Variants in CD4 observed in about 807,000 individuals in gnomAD.
CD4 encodes the protein T-cell surface glycoprotein CD4.
A neutral mutation model predicts 50.5 loss-of-function variants in CD4; 25 were observed. The ratio of observed to expected loss-of-function variants is 0.49; its 90% CI spans 0.36 to 0.69. CD4 has a LOEUF of 0.69. Ranked by LOEUF, CD4 falls within the 30% of genes least tolerant of loss-of-function variation. CD4 has a pLI of 0.00. For missense variants in CD4, 456 were observed against 548.5 expected (o/e 0.83, Z 1.68); for synonymous variants, 207 against 221.9 (o/e 0.93, Z 0.60).
At chr12:6,790,831 TC>T (rs1470730385) in intron 1 of CD4, among the ~76,000 whole-genome samples, 1 of 152,162 alleles carries the variant, frequency 6.6e-6, no homozygotes, top group Non-Finnish European at 1.5e-5. Flanking sequence ...TCTCAATAAT[TC>T]AAAGATTTCA....
At position 6,818,950 on chromosome 12, in the gene CD4, A is replaced by C; in HGVS notation, c.1346+36A>C. 2.6e-5 allele frequency: 15 copies of C among 585,800 alleles called. No individual in the cohort carries two copies. The highest frequency in any genetic ancestry group is 2.8e-4 in the Middle Eastern group (1 of 3,516). 36.3% of individuals were successfully genotyped at this position (585,800 alleles called of 1,614,324 possible). Reference sequence around the variant, plus strand: ...GGGAGGAGGGGTTGAGAGAGGGGAAAGGGGGAGGGGGAGGGAGTTAGAGAG... The same window carrying C: ...GGGAGGAGGGGTTGAGAGAGGGGAACGGGGGAGGGGGAGGGAGTTAGAGAG... On this transcript the variant is annotated intron_variant, in intron 9 of 9. Transcript: ENST00000011653. This position sits in a 1 kb window ranked among gnomAD's most constrained non-coding sequence, Gnocchi z 5.0.
At chr12:6,817,842 T>C (rs995005044) in intron 7 of CD4, among the ~76,000 whole-genome samples, 7 of 145,330 alleles carry the variant, frequency 4.8e-5, no homozygotes, top group South Asian at 2.2e-4. Context: ...CACACACTCA[T>C]ACACACACAT....
intron 1 of CD4, among the ~76,000 whole-genome samples, chr12:6,790,217 C>T (rs1245953576): frequency 1.1e-4 from 16 of 152,084 alleles, no homozygotes; most frequent in Non-Finnish European, 1.9e-4. Flanking sequence ...TTTTCCTTAA[C>T]GGGACAATCT....
chr12:6,814,662 G>A, intron 4 of CD4, 97 bp from the exon 5 acceptor site: 1 of 941,798 alleles, frequency 1.1e-6, no homozygotes, highest in Non-Finnish European at 1.8e-6. Flanking sequence ...GGAGATGTTG[G>A]GACGGCGATA....
At position 6,817,322 on chromosome 12, in the gene CD4, A is replaced by G. The variant is rs1555118129; in HGVS notation, c.1148A>G (p.Asn383Ser). The G allele has an allele frequency of 3.9e-6, 6 of 1,554,664 alleles. No individual in the cohort carries two copies. The highest frequency in any genetic ancestry group is 5.2e-6 in the Non-Finnish European group (6 of 1,148,296). Residue 383 changes from asparagine to serine, a missense_variant, in exon 7 of 10, where the codon AAC (asparagine) becomes AGC (serine). Transcript: ENST00000011653. ...TCGGGACAGGTCCTGCTGGAATCCA[A>G]CATCAAGGGTAAGGACCCAGGTTCC... Reference protein sequence around the residue: ...SDSGQVLLESNIKVLPTWSTP... With the variant: ...SDSGQVLLESSIKVLPTWSTP...
In CD4 at chr12:6,818,649, T is replaced by G; in HGVS notation, c.1278+107T>G. Reference sequence around the variant, plus strand: ...TTTTGGCCCAGCTCCCTCTGCCCACTCGTAAGTTCCCTTGCTGCCCTGTCC... The same window carrying G: ...TTTTGGCCCAGCTCCCTCTGCCCACGCGTAAGTTCCCTTGCTGCCCTGTCC... On this transcript the variant is annotated intron_variant, in intron 8 of 9. Transcript: ENST00000011653. The surrounding 1 kb of genome is among the most constrained non-coding windows in gnomAD (Gnocchi z 5.0). 7 of 1,416,156 alleles carry G rather than the reference T, an allele frequency of 4.9e-6. No homozygotes were observed. Among genetic ancestry groups the G allele is most frequent in the Middle Eastern group, 1.8e-4 (1 of 5,630 alleles). The allele number at this position is 1,416,156 out of a possible 1,614,324, so 87.7% of individuals were successfully genotyped here.
At chr12:6,813,139 C>A (rs1942986948) in intron 3 of CD4, among the ~76,000 whole-genome samples, 1 of 151,728 alleles carries the variant, frequency 6.6e-6, no homozygotes, top group Admixed American at 6.6e-5. Context: ...GGTGCCATCT[C>A]ATTTGTTTCA....
At chr12:6,817,491 G>A (rs1555118152) in intron 7 of CD4, among the ~76,000 whole-genome samples, 161 bp downstream of exon 7, 1 of 152,028 alleles carries the variant, frequency 6.6e-6, no homozygotes, top group African/African-American at 2.4e-5. Context: ...CCAAAAGGAG[G>A]CATAGAAGTG....
At chr12:6,795,684 C>G (rs533963819) in intron 1 of CD4, among the ~76,000 whole-genome samples, 2 of 152,230 alleles carry the variant, frequency 1.3e-5, no homozygotes, top group Non-Finnish European at 2.9e-5. Flanking sequence ...GGATAAGGGG[C>G]CACCCCACAG....
In CD4 at chr12:6,792,703, T is replaced by A. The variant is rs947213604; in HGVS notation, c.-68+3041T>A. Among the ~76,000 whole-genome samples the A allele has an allele frequency of 2.0e-5, 3 of 152,168 alleles. No homozygotes were observed. Among genetic ancestry groups the A allele is most frequent in the Non-Finnish European group, 4.4e-5 (3 of 68,032 alleles). On this transcript the variant is annotated intron_variant, in intron 1 of 9. Coordinates refer to ENST00000011653, the MANE Select transcript of CD4 (RefSeq NM_000616.5). The surrounding 1 kb of genome is among the most constrained non-coding windows in gnomAD (Gnocchi z 4.1). ...GATCAAAGCTTGTCCAGGGTCTGCA[T>A]TGCTGCCAAAGGCCAGGAGGACTGT...
chr12:6,792,508 A>G lies in CD4; in HGVS notation c.-68+2846A>G, dbSNP rs7956200. ...TGTGTGCATAGCTGTTGCTTTAACAAGCTGCTCCAGGTCTCTCTCTCCCAC... is the reference window on the plus strand; with the variant it reads ...TGTGTGCATAGCTGTTGCTTTAACAGGCTGCTCCAGGTCTCTCTCTCCCAC... On this transcript the variant is annotated intron_variant, in intron 1 of 9. Transcript: ENST00000011653. This position sits in a 1 kb window ranked among gnomAD's most constrained non-coding sequence, Gnocchi z 4.1. Among the ~76,000 whole-genome samples, 5,770 of 152,044 alleles carry G rather than the reference A, an allele frequency of 0.038. 373 individuals are homozygous for G. Among genetic ancestry groups the G allele is most frequent in the African/African-American group, 0.13 (5,353 of 41,436 alleles).
At chr12:6,814,458 G>A in intron 4 of CD4, 158 bp downstream of exon 4, 1 of 749,046 alleles carries the variant, frequency 1.3e-6, no homozygotes, top group Non-Finnish European at 2.1e-6. Context: ...AACCCTTCTT[G>A]ATCAGGTGAG....
chr12:6,817,071 C>T, intron 6 of CD4, 59 bp from the exon 7 acceptor site: 1 of 1,436,952 alleles, frequency 7.0e-7, no homozygotes, highest in Non-Finnish European at 9.8e-7. Flanking sequence ...TATAGAGTAT[C>T]ATTTTAATTG....
chr12:6,813,019 ACCTCAGCCTCCGGCATAGCTGGG>A (rs1942983892), intron 3 of CD4, among the ~76,000 whole-genome samples: 4 of 151,522 alleles, frequency 2.6e-5, no homozygotes, highest in African/African-American at 9.7e-5. Context: ...TTATCCTCCC[ACCTCAGCCTCCGGCATAGCTGGG>A]GCTACTGGCA....
At chr12:6,814,100 C>T in intron 3 of CD4, 42 bp from the exon 4 acceptor site, 2 of 1,577,670 alleles carry the variant, frequency 1.3e-6, no homozygotes, top group East Asian at 2.2e-5. Context: ...TGCCCTGTCT[C>T]CAGGGCGCCT....
At chr12:6,811,767 T>C (rs1028325674) in intron 3 of CD4, among the ~76,000 whole-genome samples, 1 of 151,740 alleles carries the variant, frequency 6.6e-6, no homozygotes, top group Non-Finnish European at 1.5e-5. Context: ...CGCCTTGGCC[T>C]CCCAAAGTGC....
chr12:6,802,488 T>G (rs1942593881), intron 3 of CD4, among the ~76,000 whole-genome samples: 1 of 151,732 alleles, frequency 6.6e-6, no homozygotes, highest in African/African-American at 2.4e-5. Context: ...TTTTACTTTT[T>G]GTAGAGATGA....
chr12:6,801,958 C>T (rs782255804), intron 3 of CD4, among the ~76,000 whole-genome samples: 1 of 150,330 alleles, frequency 6.7e-6, no homozygotes, highest in East Asian at 2.0e-4. Context: ...ACTGCAAGCT[C>T]TGCCTCCCAG....
chr12:6,819,430 C>T lies in CD4; in HGVS notation c.*101C>T. The T allele has an allele frequency of 8.9e-7, 1 of 1,119,510 alleles. No homozygotes were observed. The highest frequency in any genetic ancestry group is 1.2e-5 in the South Asian group (1 of 80,528). The allele number at this position is 1,119,510 out of a possible 1,614,324, so 69.3% of individuals were successfully genotyped here. A position where few individuals can be genotyped will look rare whatever the true frequency, so the allele number is the denominator to read the frequency against. On this transcript the variant is annotated 3_prime_UTR_variant, in exon 10 of 10. Coordinates refer to ENST00000011653, the MANE Select transcript of CD4 (RefSeq NM_000616.5). Reference sequence around the variant, plus strand: ...AATGTAGCAGATCCCCAGCCTCTGGCCTCCTGTTCGCCTCCTCTACAATTT... The same window carrying T: ...AATGTAGCAGATCCCCAGCCTCTGGTCTCCTGTTCGCCTCCTCTACAATTT...
Sources: allele counts gnomAD v4.1 joint callset (sites outside exome capture counted in the v4.1 genomes callset), GRCh38; gene constraint gnomAD v4.1.1; non-coding constraint Gnocchi (gnomAD v3.1); transcripts MANE v1.5; gene names NCBI Gene and HGNC (gene_info 2026-07-23, HGNC 2026-07-21).